Variants in CYP7B1 observed in about 807,000 individuals in gnomAD.
The protein encoded by CYP7B1 is cytochrome P450 family 7 subfamily B member 1.
CYP7B1 carries 29 observed loss-of-function variants against 42.7 expected under a neutral mutation model. The ratio of observed to expected loss-of-function variants is 0.68; its 90% confidence interval spans 0.51 to 0.93. The LOEUF is 0.93. CYP7B1 is among the 40% of genes least tolerant of loss of function. CYP7B1 has a pLI of 0.00. For synonymous variants in CYP7B1, 235 were observed against 218.2 expected, an observed-to-expected ratio of 1.08 and a Z score of -0.68; for missense variants, 655 against 600.5, an observed-to-expected ratio of 1.09 and a Z score of -0.95.
At chr8:64,667,801 T>A (rs1806304501) in intron 1 of CYP7B1, among the ~76,000 whole-genome samples, 1 of 152,202 alleles carries the variant, frequency 6.6e-6, no homozygotes, top group Non-Finnish European at 1.5e-5. Flanking sequence ...TTTTTTCTTT[T>A]TACATTCTAA....
chr8:64,615,673 T>C lies in CYP7B1; in HGVS notation c.850+18A>G. ...AAATGATTTTATTTTAGGCAAGTGC[T>C]CATTCAGAAGTTCTTACCTCCTATT... On this transcript the variant is annotated intron_variant, in intron 3 of 5. Transcript: ENST00000310193. 6.2e-7 allele frequency: 1 copy of C among 1,605,774 alleles called. No individual in the cohort carries two copies. The highest frequency in any genetic ancestry group is 8.5e-7 in the Non-Finnish European group (1 of 1,172,662).
chr8:64,643,192 T>TATACATATATATACACAC (rs1563374454), intron 1 of CYP7B1, among the ~76,000 whole-genome samples: 4 of 115,190 alleles, frequency 3.5e-5, no homozygotes, highest in South Asian at 5.2e-4. Context: ...CATATATATA[T>TATACATATATATACACAC]ACACACACAC....
chr8:64,646,560 A>G (rs1455962233), intron 1 of CYP7B1, among the ~76,000 whole-genome samples: 1 of 152,218 alleles, frequency 6.6e-6, no homozygotes, highest in African/African-American at 2.4e-5. Context: ...GAAGCCAGGC[A>G]CTGACTTCTC....
chr8:64,715,691 C>A (rs1418346150), intron 1 of CYP7B1, among the ~76,000 whole-genome samples: 1 of 152,104 alleles, frequency 6.6e-6, no homozygotes, highest in East Asian at 1.9e-4. Context: ...GAACTCACTG[C>A]CTAACTCCCA....
chr8:64,761,058 A>G (rs1316151882), intron 1 of CYP7B1, among the ~76,000 whole-genome samples: 1 of 152,200 alleles, frequency 6.6e-6, no homozygotes, highest in Non-Finnish European at 1.5e-5. Flanking sequence ...AACTTGGAGG[A>G]CATTATGCTA....
intron 1 of CYP7B1, among the ~76,000 whole-genome samples, chr8:64,652,921 G>C (rs1806062161): frequency 1.3e-5 from 2 of 152,040 alleles, no homozygotes; most frequent in South Asian, 4.2e-4. Flanking sequence ...ATTAAATCAA[G>C]TCAGACATAA....
intron 2 of CYP7B1, among the ~76,000 whole-genome samples, chr8:64,621,123 G>T (rs1277995941): frequency 6.6e-6 from 1 of 152,140 alleles, no homozygotes; most frequent in Non-Finnish European, 1.5e-5. Context: ...AAAGCCCAAG[G>T]CTCACTTAGA....
In CYP7B1 at chr8:64,663,917, A is replaced by G. The variant is rs866224880; in HGVS notation, c.123-39378T>C. Among the ~76,000 whole-genome samples, 35 of 152,332 alleles carry G rather than the reference A, an allele frequency of 2.3e-4. 1 individual carries two copies. The highest frequency in any genetic ancestry group is 6.8e-3 in the Middle Eastern group (2 of 294). Reference sequence around the variant, plus strand: ...TATGTGGTTACAAGTTGTTACCACAATGCTACAAGATATGTGTGCTTTTCA... The same window carrying G: ...TATGTGGTTACAAGTTGTTACCACAGTGCTACAAGATATGTGTGCTTTTCA... On this transcript the variant is annotated intron_variant, in intron 1 of 5. Coordinates refer to ENST00000310193, the MANE Select transcript of CYP7B1 (RefSeq NM_004820.5).
rs201432439 is a variant in CYP7B1 at position 64,677,815 on chromosome 8, AG to A, written c.123-53277del. 9.5e-3 allele frequency among the ~76,000 whole-genome samples: 1,346 copies of A among 142,402 alleles called. 8 individuals are homozygous for A. The highest frequency in any genetic ancestry group is 0.015 in the Non-Finnish European group (974 of 66,768). 93.4% of individuals were successfully genotyped at this position (142,402 alleles called of 152,430 possible). ...TAAATGAGATCATTGTCATGTAGTT[AG>A]CATACTTTCTGGCACATAATAAGTG... On this transcript the variant is annotated intron_variant, in intron 1 of 5. Coordinates refer to ENST00000310193, the MANE Select transcript of CYP7B1 (RefSeq NM_004820.5).
chr8:64,696,693 C>A (rs548873171), intron 1 of CYP7B1, among the ~76,000 whole-genome samples: 2 of 152,104 alleles, frequency 1.3e-5, no homozygotes, highest in African/African-American at 2.4e-5. Context: ...GATTTCCATA[C>A]GAAATAGTCC....
intron 1 of CYP7B1, among the ~76,000 whole-genome samples, chr8:64,650,582 A>G (rs1269546374): frequency 6.6e-6 from 1 of 152,206 alleles, no homozygotes; most frequent in Non-Finnish European, 1.5e-5. Context: ...CAGGAGGCAG[A>G]GGTTGCAGTG....
rs915380751 is a variant in CYP7B1 at position 64,593,980 on chromosome 8, CA to C, written c.*2661del. Among the ~76,000 whole-genome samples the C allele has an allele frequency of 6.6e-6, 1 of 152,150 alleles. No individual in the cohort carries two copies. The highest frequency in any genetic ancestry group is 2.4e-5 in the African/African-American group (1 of 41,418). ...TGAAGGTTAACAAGCTGGAGACTGA[CA>C]CTCTGACTCAAAATCAACCTTGGAG... is the stretch of plus-strand genomic sequence containing the variant. On this transcript the variant is annotated 3_prime_UTR_variant, in exon 6 of 6. Transcript: ENST00000310193.
chr8:64,694,508 G>A (rs896004427), intron 1 of CYP7B1, among the ~76,000 whole-genome samples: 22 of 152,106 alleles, frequency 1.4e-4, no homozygotes, highest in South Asian at 4.1e-4. Context: ...AGAGTGCTAT[G>A]AGGCCAGTGC....
At chr8:64,633,282 G>C (rs1018495354) in intron 1 of CYP7B1, among the ~76,000 whole-genome samples, 1 of 152,074 alleles carries the variant, frequency 6.6e-6, no homozygotes, top group African/African-American at 2.4e-5. Context: ...GTTTTTCCCT[G>C]CTATTCATAT....
intron 1 of CYP7B1, among the ~76,000 whole-genome samples, chr8:64,772,728 C>T (rs1368791200): frequency 6.6e-6 from 1 of 152,206 alleles, no homozygotes; most frequent in African/African-American, 2.4e-5. Context: ...TCCTCTTTTC[C>T]TATTCCTTCA....
chr8:64,676,664 T>C (rs1020276529), intron 1 of CYP7B1, among the ~76,000 whole-genome samples: 1 of 152,142 alleles, frequency 6.6e-6, no homozygotes, highest in African/African-American at 2.4e-5. Context: ...GGCTCATTTG[T>C]GATATATTAA....
At chr8:64,791,727 TGTTATA>T (rs1297970655) in intron 1 of CYP7B1, among the ~76,000 whole-genome samples, 1 of 152,242 alleles carries the variant, frequency 6.6e-6, no homozygotes, top group East Asian at 1.9e-4. Context: ...AGTGGTAATT[TGTTATA>T]GTAACATTAG....
intron 1 of CYP7B1, among the ~76,000 whole-genome samples, chr8:64,775,279 A>G (rs774116657): frequency 6.6e-6 from 1 of 152,110 alleles, no homozygotes; most frequent in Non-Finnish European, 1.5e-5. Context: ...TCTTGAAACT[A>G]TTGTTCTTGT....
At chr8:64,782,650 C>T (rs1486694771) in intron 1 of CYP7B1, among the ~76,000 whole-genome samples, 1 of 152,144 alleles carries the variant, frequency 6.6e-6, no homozygotes, top group Non-Finnish European at 1.5e-5. Flanking sequence ...TCCAACATAA[C>T]TTTTGAATTG....
Sources: gnomAD v4.1 joint callset for allele counts (sites outside exome capture counted in the v4.1 genomes callset) on GRCh38, gnomAD v4.1.1 for gene constraint, MANE v1.5 for transcripts, NCBI Gene and HGNC (gene_info 2026-07-23, HGNC 2026-07-21) for gene names.